NOL4: variants seen among roughly 807,000 people sequenced by gnomAD.
NOL4 encodes cancer/testis antigen 125.
Under a neutral mutation model 75.9 loss-of-function variants are expected in NOL4, and 17 were observed. The observed-to-expected ratio is 0.22, with a 90% CI of 0.15 to 0.34. The LOEUF is 0.34. NOL4 is among the 10% of genes least tolerant of loss of function. The pLI, the probability that NOL4 is intolerant of heterozygous loss-of-function variation, is 1.00. For synonymous variants in NOL4, 292 were observed against 289.9 expected, an observed-to-expected ratio of 1.01 and a Z score of -0.07; for missense variants, 614 against 793.5, an observed-to-expected ratio of 0.77 and a Z score of 2.72.
chr18:34,029,432 G>A (rs535930184), intron 5 of NOL4, among the ~76,000 whole-genome samples: 7 of 152,226 alleles, frequency 4.6e-5, no homozygotes, highest in Admixed American at 2.6e-4. Flanking sequence ...TGATACTGGG[G>A]TACTAATTTA....
intron 6 of NOL4, among the ~76,000 whole-genome samples, chr18:33,993,107 G>A (rs2073039063): frequency 6.6e-6 from 1 of 151,870 alleles, no homozygotes; most frequent in Non-Finnish European, 1.5e-5. Flanking sequence ...GTGCCTTCCT[G>A]GGGACAGAAC....
intron 1 of NOL4, among the ~76,000 whole-genome samples, chr18:34,211,522 A>G (rs1054177176): frequency 6.6e-6 from 1 of 152,198 alleles, no homozygotes; most frequent in African/African-American, 2.4e-5. Context: ...ATGGCCCTAG[A>G]TTAAACCCCT....
At chr18:34,064,913 T>C (rs1231099485) in intron 5 of NOL4, among the ~76,000 whole-genome samples, 2 of 110,462 alleles carry the variant, frequency 1.8e-5, no homozygotes, top group African/African-American at 7.1e-5. Context: ...CCTATGGTAT[T>C]TTTTAACACA....
chr18:34,117,108 CATTA>C (rs2079898261), intron 2 of NOL4, among the ~76,000 whole-genome samples: 1 of 152,222 alleles, frequency 6.6e-6, no homozygotes, highest in Non-Finnish European at 1.5e-5. Flanking sequence ...GATTGTTTTC[CATTA>C]ATTGAGTACT....
intron 2 of NOL4, 48 bp from the exon 3 acceptor site, chr18:34,105,208 C>T (rs1275507235): frequency 8.6e-7 from 1 of 1,161,642 alleles, no homozygotes; most frequent in South Asian, 1.2e-5. Flanking sequence ...GCTCACTGAG[C>T]ATGATTTAAC....
At chr18:34,130,128 T>A in intron 1 of NOL4, 108 bp from the exon 2 acceptor site, 1 of 1,082,006 alleles carries the variant, frequency 9.2e-7, no homozygotes, top group Admixed American at 3.8e-5. Context: ...AACAAAATCA[T>A]CTATATAGGA....
chr18:34,071,758 G>A (rs1305040881), intron 5 of NOL4, among the ~76,000 whole-genome samples: 1 of 152,074 alleles, frequency 6.6e-6, no homozygotes, highest in Non-Finnish European at 1.5e-5. Context: ...TAGGTTAGGT[G>A]TATTAAATGC....
intron 2 of NOL4, among the ~76,000 whole-genome samples, chr18:34,112,046 T>C (rs941722313): frequency 3.3e-5 from 5 of 152,152 alleles, no homozygotes; most frequent in Non-Finnish European, 5.9e-5. Flanking sequence ...CCTATGTTCA[T>C]TGCAACCTTA....
At chr18:34,149,469 G>A (rs574715578) in intron 1 of NOL4, among the ~76,000 whole-genome samples, 5 of 151,536 alleles carry the variant, frequency 3.3e-5, no homozygotes, top group Non-Finnish European at 7.4e-5. Flanking sequence ...AAATACAAGG[G>A]AAAGGATTTG....
chr18:34,026,799 G>C (rs1045877048), intron 5 of NOL4, among the ~76,000 whole-genome samples: 3 of 152,122 alleles, frequency 2.0e-5, no homozygotes, highest in African/African-American at 7.2e-5. Flanking sequence ...GTCAGTAACA[G>C]TGGTATTAAG....
chr18:34,167,601 A>G (rs143715782), intron 1 of NOL4, among the ~76,000 whole-genome samples: 2,224 of 150,404 alleles, frequency 0.015, 15 homozygotes, highest in Middle Eastern at 0.031. Flanking sequence ...TATGGGGAGA[A>G]GAAACAACCA....
intron 5 of NOL4, among the ~76,000 whole-genome samples, chr18:34,068,992 A>C (rs541593055): frequency 1.3e-5 from 2 of 152,314 alleles, no homozygotes; most frequent in East Asian, 1.9e-4. Flanking sequence ...GAATACAATA[A>C]AACTCTAAAA....
chr18:33,938,363 C>T (rs1247738779), intron 9 of NOL4, among the ~76,000 whole-genome samples: 1 of 151,926 alleles, frequency 6.6e-6, no homozygotes, highest in Non-Finnish European at 1.5e-5. Context: ...GCTTTTTGAA[C>T]CCTTCTGGGT....
intron 1 of NOL4, among the ~76,000 whole-genome samples, chr18:34,176,074 A>G (rs527612990): frequency 6.6e-6 from 1 of 152,258 alleles, no homozygotes; most frequent in East Asian, 1.9e-4. Flanking sequence ...AAAGAGCTAA[A>G]GAAGAGTATA....
intron 1 of NOL4, among the ~76,000 whole-genome samples, chr18:34,137,806 A>ACG (rs2080959445): frequency 2.0e-5 from 3 of 151,818 alleles, no homozygotes; most frequent in South Asian, 4.2e-4. Context: ...ACACACACAC[A>ACG]CACGCACGCA....
chr18:34,168,040 A>C (rs541004253), intron 1 of NOL4, among the ~76,000 whole-genome samples: 78 of 151,950 alleles, frequency 5.1e-4, no homozygotes, highest in Non-Finnish European at 8.2e-4. Context: ...AGTCACTTTA[A>C]TATCTTTTTT....
rs149004868 is a variant in NOL4, at chr18:34,204,185, C to T, written c.264+18805G>A. On this transcript the variant is annotated intron_variant, in intron 1 of 10. Transcript: ENST00000261592. Reference sequence around the variant, plus strand: ...TGCAATAACATACATGCTATTTCTCCCATGATCTGATTATTATGTGTAGTC... The same window carrying T: ...TGCAATAACATACATGCTATTTCTCTCATGATCTGATTATTATGTGTAGTC... Among the ~76,000 whole-genome samples, 10 of 152,066 alleles carry T rather than the reference C, an allele frequency of 6.6e-5. No individual in the cohort carries two copies. The East Asian group carries it at 1.9e-3, about 29-fold the overall frequency.
chr18:33,915,238 A>G (rs1269971118), intron 9 of NOL4, among the ~76,000 whole-genome samples: 1 of 152,112 alleles, frequency 6.6e-6, no homozygotes, highest in East Asian at 1.9e-4. Context: ...TTTTAAGGGA[A>G]TAACTTTGGT....
At chr18:34,087,889 T>C (rs1455902699) in intron 5 of NOL4, among the ~76,000 whole-genome samples, 1 of 152,046 alleles carries the variant, frequency 6.6e-6, no homozygotes, top group East Asian at 1.9e-4. Flanking sequence ...AAATATTTAA[T>C]ATAGAAATAT....
Sources: allele counts gnomAD v4.1 joint callset (sites outside exome capture counted in the v4.1 genomes callset), GRCh38; gene constraint gnomAD v4.1.1; transcripts MANE v1.5; gene names NCBI Gene and HGNC (gene_info 2026-07-23, HGNC 2026-07-21).